Variants in TPST1 observed in about 807,000 individuals in gnomAD.
TPST1 encodes the protein protein-tyrosine sulfotransferase 1.
TPST1 carries 20 observed loss-of-function variants against 34.8 expected under a neutral mutation model. That is an observed-to-expected ratio of 0.57 (90% confidence interval 0.40 to 0.84). The LOEUF (loss-of-function observed/expected upper bound fraction) is 0.84, where lower values mean the gene tolerates loss of function less well. Among genes scored for constraint, TPST1 ranks in the 40% least tolerant of loss-of-function variants. TPST1 has a pLI of 0.00. For synonymous variants in TPST1, 152 were observed against 159.4 expected, an observed-to-expected ratio of 0.95 and a Z score of 0.35; for missense variants, 353 against 455.5, an observed-to-expected ratio of 0.78 and a Z score of 2.05.
intron 2 of TPST1, among the ~76,000 whole-genome samples, chr7:66,248,132 G>T (rs1414370359): frequency 1.3e-5 from 2 of 152,184 alleles, no homozygotes; most frequent in African/African-American, 4.8e-5. Context: ...TCATTTCCAG[G>T]CAGGAAGTAG....
chr7:66,348,611 A>G (rs1792403875), intron 3 of TPST1, among the ~76,000 whole-genome samples: 1 of 152,248 alleles, frequency 6.6e-6, no homozygotes, highest in Non-Finnish European at 1.5e-5. Flanking sequence ...GCTGTCAAGC[A>G]GAATCCTCCA....
At chr7:66,227,028 C>CTTTTGTTTTTTT (rs1789670352) in intron 1 of TPST1, among the ~76,000 whole-genome samples, 1 of 69,200 alleles carries the variant, frequency 1.4e-5, no homozygotes, top group African/African-American at 6.7e-5. Flanking sequence ...TTAAAATAAG[C>CTTTTGTTTTTTT]TTTTTTTTTT....
At chr7:66,309,803 A>G (rs1245298575) in intron 3 of TPST1, among the ~76,000 whole-genome samples, 2 of 150,892 alleles carry the variant, frequency 1.3e-5, no homozygotes, top group East Asian at 3.9e-4. Flanking sequence ...CCACTTGACC[A>G]TTTTTTTGTA....
intron 3 of TPST1, among the ~76,000 whole-genome samples, chr7:66,319,386 G>C (rs897404157): frequency 6.6e-5 from 10 of 151,952 alleles, no homozygotes; most frequent in African/African-American, 2.4e-4. Flanking sequence ...TATATGTTGG[G>C]TTATTTTTAG....
At chr7:66,282,106 T>C (rs1408707862) in intron 2 of TPST1, among the ~76,000 whole-genome samples, 2 of 152,190 alleles carry the variant, frequency 1.3e-5, no homozygotes, top group Non-Finnish European at 2.9e-5. Context: ...TGTAGAATGG[T>C]ATCTAGTTCA....
At position 66,331,332 on chromosome 7, in the gene TPST1, G is replaced by GTTA. The variant is rs1276914773; in HGVS notation, c.1045-21173_1045-21172insTTA. On this transcript the variant is annotated intron_variant, in intron 3 of 5. Coordinates refer to ENST00000304842, the MANE Select transcript of TPST1 (RefSeq NM_003596.4). ...CAGTCACTAGATCTGTCCCACACTT[G>GTTA]AAGAGGGTTAAACAAGGTCATGTTC... Among the ~76,000 whole-genome samples, 4 of 152,244 alleles carry GTTA rather than the reference G, an allele frequency of 2.6e-5. No individual in the cohort carries two copies. In the East Asian group the frequency reaches 7.7e-4, roughly 29 times the overall value.
At chr7:66,227,370 C>T (rs1035439831) in intron 1 of TPST1, among the ~76,000 whole-genome samples, 7 of 151,972 alleles carry the variant, frequency 4.6e-5, no homozygotes, top group African/African-American at 1.7e-4. Context: ...AAACAAATAC[C>T]AGGCTTTCAG....
In TPST1 at chr7:66,352,569, T is replaced by C. The variant is rs772460157; in HGVS notation, c.1095+14T>C. 2.2e-5 allele frequency: 35 copies of C among 1,612,420 alleles called. No individual in the cohort carries two copies. The African/African-American group carries it at 4.0e-4, about 18-fold the overall frequency. On this transcript the variant is annotated intron_variant, in intron 4 of 5. Transcript: ENST00000304842. The stretch of plus-strand genomic sequence containing the variant: ...GAAAAACCACAGGTACTGTGTCTGC[T>C]TTTTCCTCCTGATGTATACTAGATT...
chr7:66,215,797 G>C (rs1789392398), intron 1 of TPST1, among the ~76,000 whole-genome samples: 1 of 120,932 alleles, frequency 8.3e-6, no homozygotes. Flanking sequence ...TTTTGAGACG[G>C]AGTCTCGCTT....
At chr7:66,251,004 A>G (rs1790250648) in intron 2 of TPST1, among the ~76,000 whole-genome samples, 2 of 152,226 alleles carry the variant, frequency 1.3e-5, no homozygotes, top group East Asian at 1.9e-4. Flanking sequence ...ATGACATGCA[A>G]TTTAAAACTT....
chr7:66,313,130 T>C (rs1349888817), intron 3 of TPST1, among the ~76,000 whole-genome samples: 1 of 151,806 alleles, frequency 6.6e-6, no homozygotes, highest in Non-Finnish European at 1.5e-5. Context: ...AAAATGATGC[T>C]GGTAGCCAGG....
chr7:66,350,601 C>T (rs545198232), intron 3 of TPST1, among the ~76,000 whole-genome samples: 3 of 151,994 alleles, frequency 2.0e-5, no homozygotes, highest in South Asian at 4.1e-4. Context: ...TCTGAGCCTC[C>T]GAAGTAATGC....
intron 1 of TPST1, among the ~76,000 whole-genome samples, chr7:66,216,633 C>T (rs1380469354): frequency 6.6e-6 from 1 of 152,114 alleles, no homozygotes; most frequent in African/African-American, 2.4e-5. Context: ...CCACGCCCAG[C>T]TAATTTTTGT....
intron 2 of TPST1, among the ~76,000 whole-genome samples, chr7:66,269,440 C>G (rs1192372625): frequency 1.3e-5 from 2 of 152,128 alleles, no homozygotes; most frequent in African/African-American, 4.8e-5. Context: ...AAGAATAGTT[C>G]ACTACTAGAA....
chr7:66,223,571 C>A (rs747176699), intron 1 of TPST1, among the ~76,000 whole-genome samples: 2 of 151,486 alleles, frequency 1.3e-5, no homozygotes, highest in African/African-American at 4.9e-5. Context: ...TGTTCCTCAT[C>A]ATGGGTGGTC....
At chr7:66,326,413 G>T (rs1365669985) in intron 3 of TPST1, among the ~76,000 whole-genome samples, 1 of 152,156 alleles carries the variant, frequency 6.6e-6, no homozygotes, top group Non-Finnish European at 1.5e-5. Flanking sequence ...GAGGGGAAAA[G>T]GACTCCAGTG....
intron 2 of TPST1, among the ~76,000 whole-genome samples, chr7:66,259,772 A>G (rs963187486): frequency 4.6e-5 from 7 of 152,122 alleles, no homozygotes; most frequent in Non-Finnish European, 8.8e-5. Flanking sequence ...TTATAACCCA[A>G]AGTCCATAGT....
chr7:66,224,636 G>T (rs1297643551), intron 1 of TPST1, among the ~76,000 whole-genome samples: 1 of 152,124 alleles, frequency 6.6e-6, no homozygotes, highest in Non-Finnish European at 1.5e-5. Context: ...GGCCTTGCTG[G>T]CTGCTGACCT....
chr7:66,339,207 G>C (rs775356826), intron 3 of TPST1, among the ~76,000 whole-genome samples: 1 of 152,046 alleles, frequency 6.6e-6, no homozygotes, highest in Non-Finnish European at 1.5e-5. Flanking sequence ...AAGATCATTA[G>C]AGACTACTAT....
Sources: gnomAD v4.1 joint callset for allele counts (sites outside exome capture counted in the v4.1 genomes callset) on GRCh38, gnomAD v4.1.1 for gene constraint, MANE v1.5 for transcripts, NCBI Gene and HGNC (gene_info 2026-07-23, HGNC 2026-07-21) for gene names.